Variants in PIK3CG observed in about 807,000 individuals in gnomAD.
PIK3CG encodes phosphatidylinositol-4,5-bisphosphate 3-kinase catalytic subunit gamma, also known as phosphatidylinositol 4,5-bisphosphate 3-kinase catalytic subunit gamma isoform.
In PIK3CG, 55 loss-of-function variants were observed where a neutral mutation model predicts 102.3. The observed-to-expected ratio is 0.54, with a 90% CI of 0.43 to 0.67. PIK3CG has a LOEUF of 0.67. PIK3CG is among the 30% of genes least tolerant of loss of function. PIK3CG has a pLI of 0.00. For missense variants in PIK3CG, 1,258 were observed against 1,391.8 expected (o/e 0.90, Z 1.53); for synonymous variants, 552 against 540.0 (o/e 1.02, Z -0.31).
In PIK3CG at chr7:106,879,668, A is replaced by T. The variant is rs1385820885; in HGVS notation, c.2538+3A>T. 6.2e-7 allele frequency: 1 copy of T among 1,604,206 alleles called. No homozygotes were observed. The highest frequency in any genetic ancestry group is 1.1e-5 in the South Asian group (1 of 90,098). ...GCCAAGACATGCTTATTTTACAGGT[A>T]TGCTAATTTTAAGATTGTTTTCAAT... is the stretch of plus-strand genomic sequence containing the variant. On this transcript the variant is annotated splice_donor_region_variant and intron_variant, in intron 6 of 10. Transcript: ENST00000496166. The surrounding 1 kb of genome is among the most constrained non-coding windows in gnomAD (Gnocchi z 4.9).
In PIK3CG at chr7:106,867,609, C is replaced by G. The variant is rs1231633674; in HGVS notation, c.48C>G (p.Asn16Lys). The G allele has an allele frequency of 6.2e-7, 1 of 1,607,912 alleles. No homozygotes were observed. Among genetic ancestry groups the G allele is most frequent in the South Asian group, 1.1e-5 (1 of 90,584 alleles). ...AGCCCGTGGTGCTGAGAGAGGACAA[C>G]TGCCGAAGGCGCCGGAGGATGAAGC... ...YKQPVVLRED[N>K]CRRRRRMKPR... Residue 16 changes from asparagine (N) to lysine (K), a missense_variant, in exon 2 of 11, where the codon AAC becomes AAG. Asn to Lys is a moderately conservative substitution (Grantham distance 94). Around this residue, in one of 2 missense-constraint regions of PIK3CG, gnomAD observed 832 missense variants for 787.5 expected, o/e 1.06. Transcript: ENST00000496166. This position sits in a 1 kb window ranked among gnomAD's most constrained non-coding sequence, Gnocchi z 5.1.
At position 106,884,527 on chromosome 7, in the gene PIK3CG, A is replaced by C. The variant is rs1791030362; in HGVS notation, c.2872+261A>C. On this transcript the variant is annotated intron_variant, in intron 9 of 10. Coordinates refer to ENST00000496166, the MANE Select transcript of PIK3CG (RefSeq NM_001282426.2). The surrounding 1 kb of genome is among the most constrained non-coding windows in gnomAD (Gnocchi z 4.2). The stretch of plus-strand genomic sequence containing the variant: ...GTCTTTAAATGGAGTTTAAGACTGG[A>C]GCACATATTTAGAAGTCATTGTGTA... Among the ~76,000 whole-genome samples the C allele has an allele frequency of 6.6e-6, 1 of 152,114 alleles. No individual in the cohort carries two copies. Among genetic ancestry groups the C allele is most frequent in the Admixed American group, 6.5e-5 (1 of 15,272 alleles).
intron 10 of PIK3CG, 110 bp from the exon 11 acceptor site, chr7:106,904,999 C>A: frequency 1.1e-6 from 1 of 938,124 alleles, no homozygotes; most frequent in Non-Finnish European, 1.6e-6. Context: ...TTGATGGTTT[C>A]TTCTCATGGA....
Position 106,905,375 on chromosome 7 carries a change from A to G in PIK3CG, c.3297A>G (p.Lys1099=), listed in dbSNP as rs759333733. ...TTCTTGGCATCAAACAAGGAGAGAA[A>G]CATTCAGCCTAATACTTTAGGCTAG... ...HLVLGIKQGE[K]HSA is the part of the protein sequence containing the mutation. The change falls in exon 11 of 11, where the codon AAA becomes AAG. Residue 1099 remains lysine (K), a synonymous_variant. Transcript: ENST00000496166. The surrounding 1 kb of genome is among the most constrained non-coding windows in gnomAD (Gnocchi z 5.6). The G allele has an allele frequency of 4.3e-6, 7 of 1,613,706 alleles. No homozygotes were observed. The Admixed American group carries it at 8.3e-5, about 19-fold the overall frequency.
chr7:106,886,106 A>G, intron 9 of PIK3CG, 29 bp from the exon 10 acceptor site: 5 of 1,604,222 alleles, frequency 3.1e-6, no homozygotes, highest in Non-Finnish European at 4.3e-6. Flanking sequence ...GTGCCACTGT[A>G]ATGATGTCAG....
rs796823331 is a variant in PIK3CG, at chr7:106,902,345, C to A, written c.3031-2764C>A. Among the ~76,000 whole-genome samples the A allele has an allele frequency of 3.2e-4, 48 of 152,186 alleles. No homozygotes were observed. Among genetic ancestry groups the A allele is most frequent in the African/African-American group, 9.4e-4 (39 of 41,520 alleles). ...CAGCTTGCTGGAGGTGTAAAATCAC[C>A]CTTTCTAGGTGTACAGTTCTGTGAA... is the stretch of plus-strand genomic sequence containing the variant. On this transcript the variant is annotated intron_variant, in intron 10 of 10. Transcript: ENST00000496166. This position sits in a 1 kb window ranked among gnomAD's most constrained non-coding sequence, Gnocchi z 4.3.
At chr7:106,866,222 C>T (rs750267082) in intron 1 of PIK3CG, among the ~76,000 whole-genome samples, 6 of 152,022 alleles carry the variant, frequency 3.9e-5, no homozygotes, top group African/African-American at 1.2e-4. Context: ...AGAGAGTAAA[C>T]GATATTTTCT....
Position 106,874,480 on chromosome 7 carries a change from T to G in PIK3CG, c.2288-220T>G, listed in dbSNP as rs1790652382. 6.6e-6 allele frequency among the ~76,000 whole-genome samples: 1 copy of G among 152,232 alleles called. No homozygotes were observed. Among genetic ancestry groups the G allele is most frequent in the South Asian group, 2.1e-4 (1 of 4,830 alleles). The stretch of plus-strand genomic sequence containing the variant: ...ATTCACATATTTCTGTCCCCTGTTG[T>G]AGTATGTGTACATGGTTATGTTGCT... On this transcript the variant is annotated intron_variant, in intron 4 of 10. Transcript: ENST00000496166. This position sits in a 1 kb window ranked among gnomAD's most constrained non-coding sequence, Gnocchi z 4.3.
rs1425498958 is a variant in PIK3CG at position 106,893,463 on chromosome 7, A to G, written c.3030+7171A>G. 6.6e-6 allele frequency among the ~76,000 whole-genome samples: 1 copy of G among 152,248 alleles called. No individual in the cohort carries two copies. Among genetic ancestry groups the G allele is most frequent in the Non-Finnish European group, 1.5e-5 (1 of 68,046 alleles). On this transcript the variant is annotated intron_variant, in intron 10 of 10. Transcript: ENST00000496166. The surrounding 1 kb of genome is among the most constrained non-coding windows in gnomAD (Gnocchi z 4.4). ...ATACGAATCCAAAACTGGAAAGATA[A>G]TAACCTTTTAATTGACATCATTCTC...
intron 1 of PIK3CG, among the ~76,000 whole-genome samples, chr7:106,865,933 T>C (rs185518413): frequency 1.3e-5 from 2 of 152,370 alleles, no homozygotes; most frequent in Admixed American, 6.5e-5. Context: ...TTCTCTTCTT[T>C]GTTAGTTATT....
At chr7:106,887,963 A>G (rs557213830) in intron 10 of PIK3CG, among the ~76,000 whole-genome samples, 1 of 83,252 alleles carries the variant, frequency 1.2e-5, no homozygotes, top group Non-Finnish European at 2.2e-5. Flanking sequence ...TTTTTTTGAG[A>G]CGGAGTCTTC....
chr7:106,883,045 T>C lies in PIK3CG; in HGVS notation c.2642T>C (p.Ile881Thr), dbSNP rs758527855. Reference sequence around the variant, plus strand: ...CATCCTTCTGTAGGAATGATCGAGATTGTGAAAGACGCCACGACAATTGCC... The same window carrying C: ...CATCCTTCTGTAGGAATGATCGAGACTGTGAAAGACGCCACGACAATTGCC... ...STGDKIGMIEIVKDATTIAKI... is the reference protein window; with the variant it reads ...STGDKIGMIETVKDATTIAKI... Residue 881 changes from isoleucine to threonine, a missense_variant, in exon 8 of 11, where the codon ATT becomes ACT. Physicochemically the swap from Ile to Thr is moderately conservative, Grantham distance 89 (BLOSUM62 -1). Transcript: ENST00000496166. This position sits in a 1 kb window ranked among gnomAD's most constrained non-coding sequence, Gnocchi z 5.8. 3 of 1,613,862 alleles carry C rather than the reference T, an allele frequency of 1.9e-6. No individual in the cohort carries two copies. The highest frequency in any genetic ancestry group is 2.5e-6 in the Non-Finnish European group (3 of 1,179,970).
At position 106,867,446 on chromosome 7, in the gene PIK3CG, G is replaced by A. The variant is rs1301685941; in HGVS notation, c.-12-104G>A. On this transcript the variant is annotated intron_variant, in intron 1 of 10. Transcript: ENST00000496166. The surrounding 1 kb of genome is among the most constrained non-coding windows in gnomAD (Gnocchi z 5.1). Reference sequence around the variant, plus strand: ...AAATACTTGGTCCCTCTGGGTCCCTGTGCACATGTACGCCGCCTATACCTC... The same window carrying A: ...AAATACTTGGTCCCTCTGGGTCCCTATGCACATGTACGCCGCCTATACCTC... 1 of 1,040,604 alleles carries A rather than the reference G, an allele frequency of 9.6e-7. No homozygotes were observed. 64.5% of individuals were successfully genotyped at this position (1,040,604 alleles called of 1,614,324 possible).
In PIK3CG at chr7:106,891,366, C is replaced by T. The variant is rs1791258490; in HGVS notation, c.3030+5074C>T. ...ACATTGGATGAGGAACTAAATCCAACTGTGAAATCTAATGTTTCATTAAAT... is the reference window on the plus strand; with the variant it reads ...ACATTGGATGAGGAACTAAATCCAATTGTGAAATCTAATGTTTCATTAAAT... On this transcript the variant is annotated intron_variant, in intron 10 of 10. Coordinates refer to ENST00000496166, the MANE Select transcript of PIK3CG (RefSeq NM_001282426.2). The surrounding 1 kb of genome is among the most constrained non-coding windows in gnomAD (Gnocchi z 4.4). Among the ~76,000 whole-genome samples the T allele has an allele frequency of 6.6e-6, 1 of 152,206 alleles. No individual in the cohort carries two copies. The highest frequency in any genetic ancestry group is 2.1e-4 in the South Asian group (1 of 4,830).
At position 106,869,297 on chromosome 7, in the gene PIK3CG, G is replaced by C. The variant is rs1790450725; in HGVS notation, c.1736G>C (p.Arg579Thr). ...GACAAAGAATTGCTCTGGCATTTTA[G>C]ATACGAAAGCCTTAAGCACCCAAAA... is the stretch of plus-strand genomic sequence containing the variant. ...AEDKELLWHF[R>T]YESLKHPKAY... Residue 579 changes from arginine to threonine, a missense_variant, in exon 2 of 11, where the codon AGA (arginine) becomes ACA (threonine). Transcript: ENST00000496166. This position sits in a 1 kb window ranked among gnomAD's most constrained non-coding sequence, Gnocchi z 5.3. The C allele has an allele frequency of 1.2e-6, 2 of 1,614,230 alleles. No individual in the cohort carries two copies. The highest frequency in any genetic ancestry group is 1.7e-6 in the Non-Finnish European group (2 of 1,180,042).
At position 106,890,654 on chromosome 7, in the gene PIK3CG, TA is replaced by T. The variant is rs1791242675; in HGVS notation, c.3030+4367del. Reference sequence around the variant, plus strand: ...GATTGTAAATTAATCAGCATTTGCTTAAAAACTGAACTTAAGAAATAGATAT... The same window carrying T: ...GATTGTAAATTAATCAGCATTTGCTTAAAACTGAACTTAAGAAATAGATAT... On this transcript the variant is annotated intron_variant, in intron 10 of 10. Transcript: ENST00000496166. This position sits in a 1 kb window ranked among gnomAD's most constrained non-coding sequence, Gnocchi z 4.2. 6.6e-6 allele frequency among the ~76,000 whole-genome samples: 1 copy of T among 152,258 alleles called. No individual in the cohort carries two copies. Among genetic ancestry groups the T allele is most frequent in the Admixed American group, 6.5e-5 (1 of 15,286 alleles).
intron 1 of PIK3CG, chr7:106,865,823 T>A (rs1391255500): frequency 6.6e-6 from 1 of 152,250 alleles, no homozygotes; most frequent in Non-Finnish European, 1.5e-5. Flanking sequence ...TAAGATCGTT[T>A]GGTATCACTG....
Position 106,867,946 on chromosome 7 carries a change from C to T in PIK3CG, c.385C>T (p.His129Tyr), listed in dbSNP as rs2116426382. The stretch of plus-strand genomic sequence containing the variant: ...CTGCCTGCGCTACTGGAAGGCCACG[C>T]ACCGGAGCCCGGGCCAGATCCACCT... ...LDCLRYWKAT[H>Y]RSPGQIHLVQ... is the part of the protein sequence containing the mutation. The change falls in exon 2 of 11, where the codon CAC (histidine) becomes TAC (tyrosine). Residue 129 changes from histidine (H) to tyrosine (Y), a missense_variant. Physicochemically the swap from His to Tyr is moderately conservative, Grantham distance 83. Coordinates refer to ENST00000496166, the MANE Select transcript of PIK3CG (RefSeq NM_001282426.2). The surrounding 1 kb of genome is among the most constrained non-coding windows in gnomAD (Gnocchi z 5.1). 6.2e-7 allele frequency: 1 copy of T among 1,613,120 alleles called. No individual in the cohort carries two copies. Among genetic ancestry groups the T allele is most frequent in the Non-Finnish European group, 8.5e-7 (1 of 1,179,880 alleles).
Position 106,884,260 on chromosome 7 carries a change from G to A in PIK3CG, c.2866G>A (p.Glu956Lys), listed in dbSNP as rs1487014289. 1.2e-5 allele frequency: 19 copies of A among 1,595,700 alleles called. No individual in the cohort carries two copies. Among genetic ancestry groups the A allele is most frequent in the East Asian group, 2.2e-5 (1 of 44,776 alleles). The change falls in exon 9 of 11, where the codon GAG (glutamate) becomes AAG (lysine). Residue 956 changes from glutamate (E) to lysine (K), a missense_variant. Coordinates refer to ENST00000496166, the MANE Select transcript of PIK3CG (RefSeq NM_001282426.2). This position sits in a 1 kb window ranked among gnomAD's most constrained non-coding sequence, Gnocchi z 4.2. ...ACACAATGACAATATTATGATCACC[G>A]AGACAGGTGAGTTTATTTAGTGCAG... ...DRHNDNIMIT[E>K]TGNLFHIDFG...
Sources: gnomAD v4.1 joint callset for allele counts (sites outside exome capture counted in the v4.1 genomes callset) on GRCh38, gnomAD v4.1.1 for gene constraint, gnomAD v4.1.1 regional missense constraint, Gnocchi (gnomAD v3.1) non-coding constraint, MANE v1.5 for transcripts, NCBI Gene and HGNC (gene_info 2026-07-23, HGNC 2026-07-21) for gene names.